Variants in PDK1 observed in about 807,000 individuals in gnomAD.
PDK1 encodes the protein [Pyruvate dehydrogenase (acetyl-transferring)] kinase isozyme 1, mitochondrial.
PDK1 carries 39 observed loss-of-function variants against 54.2 expected under a neutral mutation model. The observed-to-expected ratio is 0.72, with a 90% confidence interval of 0.56 to 0.94. The LOEUF (loss-of-function observed/expected upper bound fraction) is 0.94, where lower values mean the gene tolerates loss of function less well. Among genes scored for constraint, PDK1 ranks in the 40% least tolerant of loss-of-function variants. The pLI, the probability that PDK1 is intolerant of heterozygous loss-of-function variation, is 0.00. For missense variants in PDK1, 552 were observed against 566.0 expected, an observed-to-expected ratio of 0.98 and a Z score of 0.25; for synonymous variants, 221 against 207.1, an observed-to-expected ratio of 1.07 and a Z score of -0.58.
At chr2:172,630,900 G>T in the PDK1 span, among the ~76,000 whole-genome samples, 1 of 152,150 alleles carries the variant, frequency 6.6e-6, no homozygotes, top group Non-Finnish European at 1.5e-5. Flanking sequence ...AAAGTGCTGG[G>T]TTTATAGGCA....
rs182890464 is a variant in PDK1, at chr2:172,557,015, A to G, written c.196+669A>G. On this transcript the variant is annotated intron_variant, in intron 1 of 10. Transcript: ENST00000282077. ...TTAGGCATTTTAACTTTTACATCCC[A>G]CTTCCCATGTGAAGGCGATGAGGGG... is the stretch of plus-strand genomic sequence containing the variant. Among the ~76,000 whole-genome samples the G allele has an allele frequency of 3.9e-5, 6 of 152,302 alleles. No homozygotes were observed. In the East Asian group the frequency reaches 9.6e-4, roughly 24 times the overall value.
Position 172,601,536 on chromosome 2 carries a change from AT to A in PDK1, c.*5569del, listed in dbSNP as rs2149314574. ...GTATTTGGTAGTTCCTCCTGCATTC[AT>A]TCTTCCTGCTGCCCTGTGAAGAGGT... On this transcript the variant is annotated 3_prime_UTR_variant, in exon 11 of 11. Coordinates refer to ENST00000282077, the MANE Select transcript of PDK1 (RefSeq NM_002610.5). The A allele has an allele frequency of 6.6e-6, 1 of 152,272 alleles. No individual in the cohort carries two copies. Among genetic ancestry groups the A allele is most frequent in the South Asian group, 2.1e-4 (1 of 4,822 alleles). The allele number at this position is 152,272 out of a possible 1,614,324, so 9.4% of individuals were successfully genotyped here. A position where few individuals can be genotyped will look rare whatever the true frequency, so the allele number is the denominator to read the frequency against.
Position 172,556,364 on chromosome 2 carries a change from C to T in PDK1, c.196+18C>T. 1 of 1,406,730 alleles carries T rather than the reference C, an allele frequency of 7.1e-7. No individual in the cohort carries two copies. The highest frequency in any genetic ancestry group is 1.6e-5 in the South Asian group (1 of 61,570). The allele number at this position is 1,406,730 out of a possible 1,614,324, so 87.1% of individuals were successfully genotyped here. ...GGACTTCGGTGAGTGCGGCCCGGGA[C>T]CTTGGGCCTTTTTGCGCGGTCCCGG... On this transcript the variant is annotated intron_variant, in intron 1 of 10. Coordinates refer to ENST00000282077, the MANE Select transcript of PDK1 (RefSeq NM_002610.5).
At chr2:172,674,309 G>A in the PDK1 span, 1 of 152,370 alleles carries the variant, frequency 6.6e-6, no homozygotes, top group Non-Finnish European at 1.5e-5. Flanking sequence ...TGGGTGCCAG[G>A]GCACGTTTCA....
the PDK1 span, among the ~76,000 whole-genome samples, chr2:172,624,626 G>T: frequency 6.6e-6 from 1 of 152,234 alleles, no homozygotes; most frequent in South Asian, 2.1e-4. Flanking sequence ...GAGATGCTGG[G>T]GTCCCATCCT....
In PDK1 at chr2:172,599,745, CTCTT is replaced by C. The variant is rs2149311131; in HGVS notation, c.*3780_*3783del. The C allele has an allele frequency of 6.6e-6, 1 of 152,278 alleles. No individual in the cohort carries two copies. The highest frequency in any genetic ancestry group is 6.5e-5 in the Admixed American group (1 of 15,302). 9.4% of individuals were successfully genotyped at this position (152,278 alleles called of 1,614,324 possible). A position where few individuals can be genotyped will look rare whatever the true frequency, so the allele number is the denominator to read the frequency against. On this transcript the variant is annotated 3_prime_UTR_variant, in exon 11 of 11. Transcript: ENST00000282077. ...AGAATTGAACATATGTACCACCCCC[CTCTT>C]TCTAGAGTCTCCACAGTTCTTTAGC...
chr2:172,577,083 G>A (rs1689620804), intron 8 of PDK1, among the ~76,000 whole-genome samples: 1 of 152,004 alleles, frequency 6.6e-6, no homozygotes, highest in African/African-American at 2.4e-5. Flanking sequence ...TGTCTATTTC[G>A]CCCTTCAGTT....
intron 1 of PDK1, among the ~76,000 whole-genome samples, chr2:172,557,034 T>A (rs1475366930): frequency 6.6e-6 from 1 of 151,924 alleles, no homozygotes; most frequent in Non-Finnish European, 1.5e-5. Flanking sequence ...GTGAAGGCGA[T>A]GAGGGGAAAA....
At chr2:172,584,667 T>TTA (rs1553483331) in intron 8 of PDK1, among the ~76,000 whole-genome samples, 6 of 129,106 alleles carry the variant, frequency 4.6e-5, no homozygotes, top group Admixed American at 8.0e-5. Context: ...TTTTTTTTTT[T>TTA]AAATAGAGGC....
the PDK1 span, among the ~76,000 whole-genome samples, chr2:172,638,721 A>G: frequency 1.3e-5 from 2 of 151,354 alleles, no homozygotes; most frequent in Non-Finnish European, 3.0e-5. Context: ...GCACCAATCA[A>G]TGCTCTGTGT....
the PDK1 span, among the ~76,000 whole-genome samples, chr2:172,622,612 G>A: frequency 6.8e-6 from 1 of 146,302 alleles, no homozygotes; most frequent in Admixed American, 6.8e-5. Context: ...TATATTATGT[G>A]AGATATGTTT....
chr2:172,619,214 A>G, the PDK1 span, among the ~76,000 whole-genome samples: 1 of 152,140 alleles, frequency 6.6e-6, no homozygotes, highest in Non-Finnish European at 1.5e-5. Flanking sequence ...GCTGGGATAC[A>G]TCATGTGGAC....
At chr2:172,648,394 G>A in the PDK1 span, among the ~76,000 whole-genome samples, 25 of 152,258 alleles carry the variant, frequency 1.6e-4, no homozygotes, top group East Asian at 4.4e-3. Context: ...CAAGATGGCC[G>A]AATAGGAACA....
intron 8 of PDK1, among the ~76,000 whole-genome samples, chr2:172,571,479 A>T (rs1689255118): frequency 6.6e-6 from 1 of 152,112 alleles, no homozygotes; most frequent in Admixed American, 6.5e-5. Context: ...TCCTCCTCCC[A>T]TGGCTTCCAG....
chr2:172,632,495 G>A, the PDK1 span, among the ~76,000 whole-genome samples: 1 of 152,094 alleles, frequency 6.6e-6, no homozygotes, highest in Admixed American at 6.5e-5. Flanking sequence ...TGTGATGGAA[G>A]ATCCAGTACA....
chr2:172,639,060 C>T, the PDK1 span, among the ~76,000 whole-genome samples: 3 of 152,188 alleles, frequency 2.0e-5, no homozygotes, highest in African/African-American at 7.2e-5. Context: ...GAGACAAGGT[C>T]TCACTATGCC....
At chr2:172,675,812 A>G in the PDK1 span, among the ~76,000 whole-genome samples, 1 of 152,228 alleles carries the variant, frequency 6.6e-6, no homozygotes, top group Non-Finnish European at 1.5e-5. Context: ...TATTGGAAGA[A>G]GATGCCATCT....
chr2:172,562,359 T>C, intron 3 of PDK1, 68 bp downstream of exon 3: 1 of 944,164 alleles, frequency 1.1e-6, no homozygotes, highest in South Asian at 1.3e-5. Context: ...TTGGTTAACT[T>C]TTAGGTTTCT....
chr2:172,709,032 TTC>T, the PDK1 span, among the ~76,000 whole-genome samples: 2 of 151,140 alleles, frequency 1.3e-5, no homozygotes, highest in Admixed American at 6.6e-5. Flanking sequence ...GATTTGTTGT[TTC>T]TCTCTCTCTC....
Sources: allele counts gnomAD v4.1 joint callset (sites outside exome capture counted in the v4.1 genomes callset), GRCh38; gene constraint gnomAD v4.1.1; transcripts MANE v1.5; gene names NCBI Gene and HGNC (gene_info 2026-07-23, HGNC 2026-07-21).